The following RAD50 variants were observed in gnomAD, a reference collection of about 807,000 sequenced individuals.
RAD50 encodes DNA repair protein RAD50.
Under a neutral mutation model 168.8 loss-of-function variants are expected in RAD50, and 132 were observed. The observed-to-expected ratio is 0.78, with a 90% CI of 0.68 to 0.90. The LOEUF (loss-of-function observed/expected upper bound fraction) is 0.90, where lower values mean the gene tolerates loss of function less well. Ranked by LOEUF, RAD50 falls within the 40% of genes least tolerant of loss-of-function variation. The pLI, the probability that RAD50 is intolerant of heterozygous loss-of-function variation, is 0.00. For synonymous variants in RAD50, 525 were observed against 497.4 expected (o/e 1.06, Z -0.74); for missense variants, 1,347 against 1,534.4 (o/e 0.88, Z 2.04).
chr5:132,629,724 C>T (rs530711455), intron 21 of RAD50, among the ~76,000 whole-genome samples: 2 of 152,112 alleles, frequency 1.3e-5, no homozygotes, highest in Non-Finnish European at 2.9e-5. Context: ...AGCATGCAGT[C>T]AGTGTAATTG....
At chr5:132,608,554 C>G (rs1316008686) in intron 16 of RAD50, 61 bp from the exon 17 acceptor site, 4 of 1,387,642 alleles carry the variant, frequency 2.9e-6, no homozygotes, top group Non-Finnish European at 3.9e-6. Context: ...ACTGTGAAGT[C>G]TGACCCCTAA....
intron 2 of RAD50, among the ~76,000 whole-genome samples, chr5:132,572,461 T>A (rs1750323483): frequency 1.3e-5 from 2 of 152,140 alleles, no homozygotes; most frequent in African/African-American, 4.8e-5. Flanking sequence ...AACAGTGTTT[T>A]TATATATAAT....
At chr5:132,600,851 T>A (rs530380171) in intron 13 of RAD50, among the ~76,000 whole-genome samples, 1 of 152,326 alleles carries the variant, frequency 6.6e-6, no homozygotes, top group African/African-American at 2.4e-5. Context: ...AATGGATATG[T>A]TAAATTACCT....
intron 3 of RAD50, among the ~76,000 whole-genome samples, chr5:132,578,928 C>G (rs1173050559): frequency 6.6e-6 from 1 of 152,140 alleles, no homozygotes; most frequent in East Asian, 1.9e-4. Flanking sequence ...AAGAAAGAAC[C>G]CCATTCTAAG....
At chr5:132,581,953 G>T (rs888780860) in intron 5 of RAD50, among the ~76,000 whole-genome samples, 24 of 151,978 alleles carry the variant, frequency 1.6e-4, no homozygotes, top group African/African-American at 5.8e-4. Flanking sequence ...CACATGTAAT[G>T]GTAAGGCAGA....
intron 9 of RAD50, 101 bp downstream of exon 9, chr5:132,589,938 A>G (rs1750669420): frequency 2.7e-6 from 3 of 1,100,552 alleles, no homozygotes; most frequent in African/African-American, 1.6e-5. Flanking sequence ...TAATAAAAAC[A>G]TCAACTTTGT....
intron 22 of RAD50, 126 bp from the exon 23 acceptor site, chr5:132,637,955 C>A: frequency 9.0e-7 from 1 of 1,107,646 alleles, no homozygotes; most frequent in African/African-American, 1.6e-5. Context: ...AGTTTCCACA[C>A]CAGCCATTGT....
chr5:132,609,522 C>A, intron 19 of RAD50, 126 bp downstream of exon 19: 1 of 1,440,612 alleles, frequency 6.9e-7, no homozygotes, highest in Non-Finnish European at 9.3e-7. Context: ...TGGCTCACAC[C>A]TGTAATCCCT....
chr5:132,559,467 G>A (rs1750082877), intron 2 of RAD50, 100 bp downstream of exon 2: 37 of 1,282,762 alleles, frequency 2.9e-5, no homozygotes, highest in Non-Finnish European at 3.9e-5. Flanking sequence ...AGAAATGAAA[G>A]TCAGCCCCAC....
chr5:132,644,894 C>G lies in RAD50; in HGVS notation c.*2530C>G, dbSNP rs748054908. The stretch of plus-strand genomic sequence containing the variant: ...CAAGCAATCCTCCTGCCTCAGCCTC[C>G]CAAGTAGCTAGGATTACAGGCATGT... On this transcript the variant is annotated 3_prime_UTR_variant, in exon 25 of 25. Coordinates refer to ENST00000378823, the MANE Select transcript of RAD50 (RefSeq NM_005732.4). The G allele has an allele frequency of 3.3e-5, 5 of 152,592 alleles. No homozygotes were observed. In the East Asian group the frequency reaches 7.7e-4, roughly 23 times the overall value. 9.5% of individuals were successfully genotyped at this position (152,592 alleles called of 1,614,324 possible).
In RAD50 at chr5:132,643,734, G is replaced by GGGGGGGGGGCC; in HGVS notation, c.*1370_*1371insGGGGGGGGGCC. On this transcript the variant is annotated 3_prime_UTR_variant, in exon 25 of 25. Transcript: ENST00000378823. Reference sequence around the variant, plus strand: ...GGGGGTGGTGGTGGGGTGGGGGGGGGTCCTAAATGTAATCACGAGTAAGAT... The same window carrying GGGGGGGGGGCC: ...GGGGGTGGTGGTGGGGTGGGGGGGGGGGGGGGGGGCCTCCTAAATGTAATCACGAGTAAGAT... 1 of 177,110 alleles carries GGGGGGGGGGCC rather than the reference G, an allele frequency of 5.6e-6. No individual in the cohort carries two copies. The highest frequency in any genetic ancestry group is 1.2e-5 in the Non-Finnish European group (1 of 84,828). 11.0% of individuals were successfully genotyped at this position (177,110 alleles called of 1,614,324 possible).
At chr5:132,583,992 C>T (rs756496284) in intron 5 of RAD50, among the ~76,000 whole-genome samples, 3 of 152,094 alleles carry the variant, frequency 2.0e-5, no homozygotes, top group South Asian at 2.1e-4. Context: ...CCACTGTGCC[C>T]GGCAATTCAT....
At chr5:132,569,783 A>G (rs1328638763) in intron 2 of RAD50, among the ~76,000 whole-genome samples, 1 of 152,242 alleles carries the variant, frequency 6.6e-6, no homozygotes, top group African/African-American at 2.4e-5. Flanking sequence ...TAGATAATGT[A>G]TTCTGTGACT....
At chr5:132,586,969 C>T (rs917131899) in intron 5 of RAD50, among the ~76,000 whole-genome samples, 1 of 152,142 alleles carries the variant, frequency 6.6e-6, no homozygotes, top group African/African-American at 2.4e-5. Context: ...AAGAATATCC[C>T]CAGCATCATC....
At chr5:132,606,822 A>G (rs976078772) in intron 16 of RAD50, among the ~76,000 whole-genome samples, 1 of 152,212 alleles carries the variant, frequency 6.6e-6, no homozygotes, top group Non-Finnish European at 1.5e-5. Flanking sequence ...AACATATGCA[A>G]ATCAATAAAT....
At chr5:132,619,700 T>C (rs771938908) in intron 21 of RAD50, among the ~76,000 whole-genome samples, 26 of 151,744 alleles carry the variant, frequency 1.7e-4, no homozygotes, top group Non-Finnish European at 3.2e-4. Flanking sequence ...TTGATGACAC[T>C]GGATTTGATT....
chr5:132,640,812 A>T lies in RAD50; in HGVS notation c.3752+7A>T, dbSNP rs375301575. ...TTGCACATGCTCTGGTTGAGTAAGT[A>T]TCTCTTGCACATGCTCTGGTTGAGT... On this transcript the variant is annotated splice_region_variant and intron_variant, in intron 24 of 24. Coordinates refer to ENST00000378823, the MANE Select transcript of RAD50 (RefSeq NM_005732.4). 2 of 1,613,992 alleles carry T rather than the reference A, an allele frequency of 1.2e-6. No homozygotes were observed. The highest frequency in any genetic ancestry group is 1.3e-5 in the African/African-American group (1 of 74,942).
At chr5:132,600,132 A>G (rs749490463) in intron 13 of RAD50, 22 of 152,262 alleles carry the variant, frequency 1.4e-4, no homozygotes, top group Non-Finnish European at 2.4e-4. Flanking sequence ...AGTCTACTGG[A>G]GTGCAGGTAA....
intron 2 of RAD50, among the ~76,000 whole-genome samples, chr5:132,572,525 T>A (rs904377772): frequency 6.6e-6 from 1 of 151,928 alleles, no homozygotes; most frequent in Non-Finnish European, 1.5e-5. Flanking sequence ...TGCCAGCTAA[T>A]GAAAAGAATG....
Sources: gnomAD v4.1 joint callset for allele counts (sites outside exome capture counted in the v4.1 genomes callset) on GRCh38, gnomAD v4.1.1 for gene constraint, MANE v1.5 for transcripts, NCBI Gene and HGNC (gene_info 2026-07-23, HGNC 2026-07-21) for gene names.